Variants in MYO1A observed in about 807,000 individuals in gnomAD.
The protein encoded by MYO1A is myosin IA.
In MYO1A, 127 loss-of-function variants were observed where a neutral mutation model predicts 138.5. The observed-to-expected ratio is 0.92, with a 90% CI of 0.79 to 1.06. The LOEUF is 1.06. Ranked by LOEUF, MYO1A falls within the 50% of genes least tolerant of loss-of-function variation. MYO1A has a pLI of 0.00. For missense variants in MYO1A, 1,211 were observed against 1,288.8 expected (o/e 0.94, Z 0.92); for synonymous variants, 477 against 497.5 (o/e 0.96, Z 0.55).
intron 1 of MYO1A, 83 bp from the exon 2 acceptor site, chr12:57,048,426 C>G: frequency 1.2e-6 from 1 of 835,506 alleles, no homozygotes; most frequent in Non-Finnish European, 2.0e-6. Context: ...GCAGAAGGAC[C>G]AAAAGAGCCT....
At chr12:57,045,110 T>G (rs1342778736) in intron 8 of MYO1A, among the ~76,000 whole-genome samples, 1 of 152,236 alleles carries the variant, frequency 6.6e-6, no homozygotes, top group East Asian at 1.9e-4. Context: ...GGCTAGGTTT[T>G]GTTTTTTTCT....
intron 23 of MYO1A, among the ~76,000 whole-genome samples, 171 bp downstream of exon 23, chr12:57,030,869 T>A (rs1283778905): frequency 6.6e-6 from 1 of 152,170 alleles, no homozygotes; most frequent in Non-Finnish European, 1.5e-5. Flanking sequence ...ATGTCGCTCA[T>A]GCCACTGAAC....
Position 57,029,852 on chromosome 12 carries a change from C to A in MYO1A, c.2612G>T (p.Gly871Val), listed in dbSNP as rs758082321. ...GTTCCCTTGCAGCCCAATGTAGTCA[C>A]CACAGAATGGAATGGGGACACTGAG... ...YPQSVPIPFC[G>V]DYIGLQGNPK... The change falls in exon 25 of 28, where the codon GGT (glycine) becomes GTT (valine). Residue 871 changes from glycine (G) to valine (V), a missense_variant. Gly to Val is a moderately radical substitution (Grantham distance 109). Transcript: ENST00000300119. 1.2e-6 allele frequency: 2 copies of A among 1,614,182 alleles called. No individual in the cohort carries two copies. The highest frequency in any genetic ancestry group is 1.7e-6 in the Non-Finnish European group (2 of 1,180,036).
intron 8 of MYO1A, 40 bp downstream of exon 8, chr12:57,046,512 G>T: frequency 6.6e-7 from 1 of 1,510,716 alleles, no homozygotes; most frequent in Non-Finnish European, 9.2e-7. Context: ...ACTTTGCCAT[G>T]TGTCACTCAT....
chr12:57,048,442 T>C (rs953828742), intron 1 of MYO1A, 99 bp from the exon 2 acceptor site: 2 of 775,576 alleles, frequency 2.6e-6, no homozygotes, highest in African/African-American at 1.7e-5. Context: ...AGCCTTCCTC[T>C]CTTCCTACCC....
intron 1 of MYO1A, among the ~76,000 whole-genome samples, chr12:57,048,857 C>A (rs943028844): frequency 3.3e-5 from 5 of 152,214 alleles, no homozygotes; most frequent in African/African-American, 1.2e-4. Context: ...ATAACCATTT[C>A]AGAAGTTCTT....
chr12:57,049,323 C>G (rs537371381), intron 1 of MYO1A, among the ~76,000 whole-genome samples: 1 of 152,320 alleles, frequency 6.6e-6, no homozygotes, highest in South Asian at 2.1e-4. Context: ...ATTATTAGTA[C>G]AATGGTCAAG....
chr12:57,037,779 C>G, intron 18 of MYO1A, 90 bp downstream of exon 18: 3 of 1,504,612 alleles, frequency 2.0e-6, no homozygotes, highest in Non-Finnish European at 2.8e-6. Context: ...CCAGCTTCAG[C>G]AGATGTGCAC....
rs2136444659 is a variant in MYO1A at position 57,037,916 on chromosome 12, G to A, written c.1914C>T (p.Tyr638=). The change falls in exon 18 of 28, where the codon TAC becomes TAT. Residue 638 remains tyrosine, a synonymous_variant. Coordinates refer to ENST00000300119, the MANE Select transcript of MYO1A (RefSeq NM_005379.4). ...GCCAGGTGCTCCGGCTCAGCAATCG[G>A]TACCTTTCCAGGAAGGGCCCATAAC... ...RQGYGPFLER[Y]RLLSRSTWPH... is the part of the protein sequence containing the mutation. The A allele has an allele frequency of 5.6e-6, 9 of 1,614,142 alleles. No individual in the cohort carries two copies. The highest frequency in any genetic ancestry group is 1.6e-4 in the Middle Eastern group (1 of 6,062).
Position 57,031,058 on chromosome 12 carries a change from C to T in MYO1A, c.2466G>A (p.Gln822=). The T allele has an allele frequency of 6.2e-7, 1 of 1,614,038 alleles. No individual in the cohort carries two copies. Among genetic ancestry groups the T allele is most frequent in the East Asian group, 2.2e-5 (1 of 44,890 alleles). Residue 822 remains glutamine, a synonymous_variant, in exon 23 of 28, where the codon CAG becomes CAA. Transcript: ENST00000300119. ...CACTTGCCTTCCACTGGTAGAAGAG[C>T]TGCTGCAGCTCCTGATTTGCTGTGC... ...CLSTANQELQ[Q]LFYQWKCKRF... is the part of the protein sequence containing the mutation.
intron 16 of MYO1A, 52 bp downstream of exon 16, chr12:57,038,757 C>T (rs775729397): frequency 3.4e-4 from 548 of 1,612,670 alleles, no homozygotes; most frequent in Non-Finnish European, 4.3e-4. Flanking sequence ...CCCCCATTGA[C>T]TTCAGTCTGG....
Position 57,029,524 on chromosome 12 carries a change from GGGACTTCTT to G in MYO1A, c.2779_2787del (p.Lys927_Ser929del). 1 of 1,614,234 alleles carries G rather than the reference GGGACTTCTT, an allele frequency of 6.2e-7. No homozygotes were observed. Among genetic ancestry groups the G allele is most frequent in the Non-Finnish European group, 8.5e-7 (1 of 1,180,030 alleles). On this transcript the variant is annotated inframe_deletion, in exon 26 of 28. Transcript: ENST00000300119. Reference sequence around the variant, plus strand: ...TCTAGCCCAATGACAATTTTGGCCTGGGACTTCTTGGTGTCTGTGAGAATCACATGGCCC... The same window carrying G: ...TCTAGCCCAATGACAATTTTGGCCTGGGTGTCTGTGAGAATCACATGGCCC...
chr12:57,033,012 C>T (rs1224834806), intron 22 of MYO1A, among the ~76,000 whole-genome samples: 2 of 152,104 alleles, frequency 1.3e-5, no homozygotes, highest in Non-Finnish European at 2.9e-5. Flanking sequence ...CATATGTGTG[C>T]ATATAAATAC....
intron 14 of MYO1A, among the ~76,000 whole-genome samples, chr12:57,040,310 T>A (rs760334374): frequency 8.6e-5 from 13 of 151,962 alleles, no homozygotes; most frequent in Admixed American, 2.6e-4. Context: ...CAGAACAGAG[T>A]GTATTTACTG....
At chr12:57,044,897 A>G (rs1055953003) in intron 8 of MYO1A, among the ~76,000 whole-genome samples, 3 of 152,138 alleles carry the variant, frequency 2.0e-5, no homozygotes, top group Non-Finnish European at 4.4e-5. Context: ...GTAAGCGCAT[A>G]TCTCCTGCCT....
At chr12:57,034,652 G>A (rs770363629) in intron 22 of MYO1A, among the ~76,000 whole-genome samples, 3 of 150,980 alleles carry the variant, frequency 2.0e-5, no homozygotes, top group Non-Finnish European at 4.4e-5. Context: ...TCCAGCCTGG[G>A]CGAGAGAGCA....
chr12:57,028,857 G>C lies in MYO1A; in HGVS notation c.3030C>G (p.Asn1010Lys), dbSNP rs766987099. 12 of 1,613,890 alleles carry C rather than the reference G, an allele frequency of 7.4e-6. No individual in the cohort carries two copies. Among genetic ancestry groups the C allele is most frequent in the Non-Finnish European group, 1.0e-5 (12 of 1,179,988 alleles). The change falls in exon 28 of 28, where the codon AAC (asparagine) becomes AAG (lysine). Residue 1010 changes from asparagine (N) to lysine (K), a missense_variant. Coordinates refer to ENST00000300119, the MANE Select transcript of MYO1A (RefSeq NM_005379.4). ...CCTGGACGACCTTGACAGCCACACT[G>C]TTCTCCTTGAACCTCACTGAGAACC... ...TEKFSVRFKE[N>K]SVAVKVVQGP...
At position 57,036,991 on chromosome 12, in the gene MYO1A, A is replaced by G. The variant is rs1010149091; in HGVS notation, c.2156T>C (p.Leu719Pro). 2 of 1,614,162 alleles carry G rather than the reference A, an allele frequency of 1.2e-6. No individual in the cohort carries two copies. The highest frequency in any genetic ancestry group is 2.7e-5 in the African/African-American group (2 of 75,034). ...GATGAGGATCTGACTCTTTCGCATC[A>G]GTTGGTAGTGGGTGCGGCAGCGCCA... is the stretch of plus-strand genomic sequence containing the variant. ...RGWRCRTHYQLMRKSQILISS... is the reference protein window; with the variant it reads ...RGWRCRTHYQPMRKSQILISS... Residue 719 changes from leucine (L) to proline (P), a missense_variant, in exon 20 of 28, where the codon CTG becomes CCG. Transcript: ENST00000300119.
At position 57,047,291 on chromosome 12, in the gene MYO1A, C is replaced by G. The variant is rs758957043; in HGVS notation, c.430+12G>C. On this transcript the variant is annotated intron_variant, in intron 5 of 27. Transcript: ENST00000300119. Reference sequence around the variant, plus strand: ...GATGGAGGGTGGAGAGGGCAGAGAGCAGAATTCTCACCCTCCAGCACTGGG... The same window carrying G: ...GATGGAGGGTGGAGAGGGCAGAGAGGAGAATTCTCACCCTCCAGCACTGGG... 4.3e-6 allele frequency: 7 copies of G among 1,609,900 alleles called. No homozygotes were observed. The African/African-American group carries it at 9.4e-5, about 22-fold the overall frequency.
Sources: gnomAD v4.1 joint callset for allele counts (sites outside exome capture counted in the v4.1 genomes callset) on GRCh38, gnomAD v4.1.1 for gene constraint, MANE v1.5 for transcripts, NCBI Gene and HGNC (gene_info 2026-07-23, HGNC 2026-07-21) for gene names.